Variants in STK31 observed in about 807,000 individuals in gnomAD.
The protein encoded by STK31 is serine/threonine-protein kinase 31.
In STK31, 89 loss-of-function variants were observed where a neutral mutation model predicts 129.7. The observed-to-expected ratio is 0.69, with a 90% CI of 0.58 to 0.82. The LOEUF (loss-of-function observed/expected upper bound fraction) is 0.82, where lower values mean the gene tolerates loss of function less well. Ranked by LOEUF, STK31 falls within the 40% of genes least tolerant of loss-of-function variation. STK31 has a pLI of 0.00. For synonymous variants in STK31, 448 were observed against 395.3 expected, an observed-to-expected ratio of 1.13 and a Z score of -1.58; for missense variants, 1,187 against 1,176.4, an observed-to-expected ratio of 1.01 and a Z score of -0.13.
chr7:23,803,027 G>C (rs1459328464), intron 22 of STK31, among the ~76,000 whole-genome samples: 3 of 152,134 alleles, frequency 2.0e-5, no homozygotes, highest in Non-Finnish European at 2.9e-5. Context: ...TTCTATACAT[G>C]TGTTGTTAGA....
intron 3 of STK31, 148 bp downstream of exon 3, chr7:23,712,434 G>A: frequency 1.3e-6 from 1 of 789,210 alleles, no homozygotes; most frequent in Non-Finnish European, 2.1e-6. Context: ...GCATTATTAG[G>A]AGACAAATGT....
intron 10 of STK31, among the ~76,000 whole-genome samples, chr7:23,759,283 A>G (rs892775078): frequency 2.0e-5 from 3 of 152,236 alleles, no homozygotes; most frequent in African/African-American, 7.2e-5. Flanking sequence ...AGTGGACCTG[A>G]TAGACGTCTG....
intron 10 of STK31, among the ~76,000 whole-genome samples, chr7:23,756,658 A>G (rs1246881908): frequency 2.6e-5 from 4 of 152,200 alleles, no homozygotes; most frequent in Non-Finnish European, 5.9e-5. Context: ...ATTTTGAGAT[A>G]TGTTCCGTCA....
Position 23,720,586 on chromosome 7 carries a change from A to G in STK31, c.249+3007A>G, listed in dbSNP as rs1187482884. On this transcript the variant is annotated intron_variant, in intron 4 of 23. Coordinates refer to ENST00000355870, the MANE Select transcript of STK31 (RefSeq NM_031414.5). ...AAGATAACCTCATTAAAGAAAAAATACTGAAAATGTAAAGGGTCCATACAA... is the reference window on the plus strand; with the variant it reads ...AAGATAACCTCATTAAAGAAAAAATGCTGAAAATGTAAAGGGTCCATACAA... 2.6e-5 allele frequency among the ~76,000 whole-genome samples: 4 copies of G among 152,328 alleles called. No homozygotes were observed. In the South Asian group the frequency reaches 8.3e-4, roughly 32 times the overall value.
intron 8 of STK31, among the ~76,000 whole-genome samples, chr7:23,752,439 T>C (rs1217805982): frequency 6.6e-6 from 1 of 151,552 alleles, no homozygotes; most frequent in East Asian, 1.9e-4. Context: ...AACCTCTGCC[T>C]CCCTAACTCA....
chr7:23,785,913 C>A (rs1051382666), intron 18 of STK31, among the ~76,000 whole-genome samples: 41 of 152,002 alleles, frequency 2.7e-4, no homozygotes, highest in African/African-American at 9.7e-4. Flanking sequence ...TTAATGGGTG[C>A]AGCAAACCAA....
intron 8 of STK31, among the ~76,000 whole-genome samples, chr7:23,750,091 A>C (rs1788624283): frequency 1.9e-5 from 2 of 106,996 alleles, no homozygotes; most frequent in African/African-American, 6.7e-5. Context: ...TGCTGGAAAC[A>C]TGAGGGGATT....
chr7:23,710,516 A>G, intron 1 of STK31, 181 bp downstream of exon 1: 1 of 1,457,846 alleles, frequency 6.9e-7, no homozygotes, highest in Non-Finnish European at 9.1e-7. Context: ...GCATGCAGGC[A>G]GGCGAAAGTG....
Position 23,787,985 on chromosome 7 carries a change from T to G in STK31, c.2493T>G (p.Thr831=). Residue 831 remains threonine (T), a synonymous_variant, in exon 21 of 24, where the codon ACT becomes ACG. Coordinates refer to ENST00000355870, the MANE Select transcript of STK31 (RefSeq NM_031414.5). ...TTATGTGTACTTATCTATAGGAAAC[T>G]TTAAAGGTCATGAAAGGTGTTGCCC... The part of the protein sequence containing the change: ...QANMPLNSEE[T]LKVMKGVAQG... 1 of 1,561,798 alleles carries G rather than the reference T, an allele frequency of 6.4e-7. No individual in the cohort carries two copies. Among genetic ancestry groups the G allele is most frequent in the Admixed American group, 2.0e-5 (1 of 50,258 alleles).
intron 8 of STK31, among the ~76,000 whole-genome samples, chr7:23,741,859 G>T (rs1466577854): frequency 6.6e-6 from 1 of 152,162 alleles, no homozygotes; most frequent in Non-Finnish European, 1.5e-5. Flanking sequence ...TGGCTTTTCT[G>T]CCCCTTCTTG....
At chr7:23,750,086 G>C (rs1788624007) in intron 8 of STK31, among the ~76,000 whole-genome samples, 1 of 77,622 alleles carries the variant, frequency 1.3e-5, no homozygotes, top group African/African-American at 4.1e-5. Context: ...GCCACTGCTG[G>C]AAACATGAGG....
At chr7:23,826,827 G>A (rs948371108) in intron 23 of STK31, among the ~76,000 whole-genome samples, 2 of 152,158 alleles carry the variant, frequency 1.3e-5, no homozygotes, top group African/African-American at 4.8e-5. Flanking sequence ...TGTCTGTAAA[G>A]TATTTTATTT....
intron 22 of STK31, 123 bp downstream of exon 22, chr7:23,791,069 T>C: frequency 9.8e-7 from 1 of 1,020,244 alleles, no homozygotes; most frequent in Non-Finnish European, 1.3e-6. Flanking sequence ...CTTTAAGTTT[T>C]AACAAAAACT....
intron 3 of STK31, among the ~76,000 whole-genome samples, chr7:23,712,556 C>T (rs187880765): frequency 8.5e-5 from 13 of 152,182 alleles, no homozygotes; most frequent in Admixed American, 8.5e-4. Context: ...CCACTCAATT[C>T]TAGGCTGCTT....
chr7:23,810,892 TTA>T (rs1326709671), intron 22 of STK31, among the ~76,000 whole-genome samples: 1 of 138,204 alleles, frequency 7.2e-6, no homozygotes, highest in East Asian at 2.0e-4. Flanking sequence ...TAATATATAT[TTA>T]TATATAAATA....
chr7:23,795,395 T>G (rs1012017055), intron 22 of STK31, among the ~76,000 whole-genome samples: 1 of 152,116 alleles, frequency 6.6e-6, no homozygotes, highest in African/African-American at 2.4e-5. Flanking sequence ...TTTCAGAGGA[T>G]GTATGGAAAT....
At chr7:23,776,930 A>G (rs1790589692) in intron 15 of STK31, among the ~76,000 whole-genome samples, 1 of 152,006 alleles carries the variant, frequency 6.6e-6, no homozygotes, top group African/African-American at 2.4e-5. Context: ...TCGATTTTAG[A>G]TCTTTTCCGC....
intron 5 of STK31, chr7:23,727,653 CCTAGG>C: frequency 9.6e-6 from 2 of 208,178 alleles, no homozygotes; most frequent in South Asian, 7.0e-5. Context: ...AACTCTGCCT[CCTAGG>C]TTCAAGCTAT....
intron 22 of STK31, among the ~76,000 whole-genome samples, chr7:23,795,640 A>T (rs1184817127): frequency 6.6e-6 from 1 of 152,200 alleles, no homozygotes; most frequent in Non-Finnish European, 1.5e-5. Flanking sequence ...ATGCCAGCCC[A>T]TGAAAGCAGC....
Sources: gnomAD v4.1 joint callset for allele counts (sites outside exome capture counted in the v4.1 genomes callset) on GRCh38, gnomAD v4.1.1 for gene constraint, MANE v1.5 for transcripts, NCBI Gene and HGNC (gene_info 2026-07-23, HGNC 2026-07-21) for gene names.